Variants in TCF7L2 observed in about 807,000 individuals in gnomAD.
TCF7L2 encodes transcription factor 7-like 2.
A neutral mutation model predicts 77.9 loss-of-function variants in TCF7L2; 23 were observed. That is an observed-to-expected ratio of 0.30 (90% CI 0.21 to 0.42). The LOEUF is 0.42. Ranked by LOEUF, TCF7L2 falls within the 10% of genes least tolerant of loss-of-function variation. The probability of loss-of-function intolerance (pLI) is 1.00; values close to 1 mark genes in which losing one functional copy is unlikely to be tolerated. For missense variants in TCF7L2, 654 were observed against 793.1 expected (o/e 0.82, Z 2.11); for synonymous variants, 413 against 340.2 (o/e 1.21, Z -2.36).
chr10:113,025,947 C>T (rs1297705084), intron 4 of TCF7L2, among the ~76,000 whole-genome samples: 2 of 151,258 alleles, frequency 1.3e-5, no homozygotes, highest in Non-Finnish European at 2.9e-5. Flanking sequence ...GGTGCTATCT[C>T]GGCTCACTGC....
chr10:112,956,055 AAG>A (rs1186845104), intron 3 of TCF7L2, among the ~76,000 whole-genome samples: 5 of 152,058 alleles, frequency 3.3e-5, no homozygotes, highest in Non-Finnish European at 5.9e-5. Flanking sequence ...GAAGGTATCT[AAG>A]AGGATTTTAC....
At chr10:113,137,962 G>A (rs1385989541) in intron 5 of TCF7L2, among the ~76,000 whole-genome samples, 1 of 152,208 alleles carries the variant, frequency 6.6e-6, no homozygotes, top group Non-Finnish European at 1.5e-5. Flanking sequence ...AGGCCGGAGA[G>A]ACATAGGCAT....
chr10:113,107,749 G>A (rs1346925683), intron 5 of TCF7L2, among the ~76,000 whole-genome samples: 3 of 29,386 alleles, frequency 1.0e-4, no homozygotes, highest in Non-Finnish European at 1.6e-4. Flanking sequence ...GCGAGACTCC[G>A]TCTAAAAAAA....
At chr10:113,036,904 A>G (rs951880965) in intron 4 of TCF7L2, among the ~76,000 whole-genome samples, 2 of 151,906 alleles carry the variant, frequency 1.3e-5, no homozygotes, top group East Asian at 3.9e-4. Context: ...CCCCAAAAGG[A>G]TATAAAACTA....
chr10:113,070,384 T>G (rs1347441687), intron 5 of TCF7L2, among the ~76,000 whole-genome samples: 2 of 151,894 alleles, frequency 1.3e-5, no homozygotes, highest in African/African-American at 4.8e-5. Context: ...ATTTCCTCGC[T>G]TTCCCTGCAT....
intron 5 of TCF7L2, chr10:113,129,886 T>G (rs923143258): frequency 3.1e-6 from 4 of 1,290,556 alleles, no homozygotes; most frequent in Non-Finnish European, 4.0e-6. Context: ...GGACACAATT[T>G]TAGTGGGAAT....
chr10:112,994,712 G>A (rs2043159342), intron 4 of TCF7L2, among the ~76,000 whole-genome samples: 1 of 152,154 alleles, frequency 6.6e-6, no homozygotes, highest in Non-Finnish European at 1.5e-5. Flanking sequence ...TATTTAAAAA[G>A]TGGTTATAAA....
intron 4 of TCF7L2, among the ~76,000 whole-genome samples, chr10:112,970,193 C>T (rs1050660624): frequency 6.6e-6 from 1 of 151,622 alleles, no homozygotes; most frequent in Non-Finnish European, 1.5e-5. Context: ...TGTGCATGTG[C>T]GCGCTTGTGC....
chr10:113,151,078 T>G lies in TCF7L2; in HGVS notation c.956T>G (p.Val319Gly). 6.2e-7 allele frequency: 1 copy of G among 1,614,096 alleles called. No homozygotes were observed. The highest frequency in any genetic ancestry group is 8.5e-7 in the Non-Finnish European group (1 of 1,180,004). The change falls in exon 9 of 14, where the codon GTC (valine) becomes GGC (glycine). Residue 319 changes from valine (V) to glycine (G), a missense_variant. This residue lies in a region of TCF7L2 where 179 missense variants were observed against 270.6 expected (regional missense o/e 0.66). Transcript: ENST00000627217. The surrounding 1 kb of genome is among the most constrained non-coding windows in gnomAD (Gnocchi z 5.2). ...CATCCGGCCATAGTCACACCAACAG[T>G]CAAACAGGAATCGTCCCAGAGTGAT... is the stretch of plus-strand genomic sequence containing the variant.
At chr10:112,997,938 GTAT>G in intron 4 of TCF7L2, among the ~76,000 whole-genome samples, 1 of 152,076 alleles carries the variant, frequency 6.6e-6, no homozygotes, top group East Asian at 1.9e-4. Context: ...ATTTCTAAGT[GTAT>G]TACAACCCCG....
chr10:113,157,937 T>C (rs778395512), intron 11 of TCF7L2, 84 bp from the exon 12 acceptor site: 14 of 1,426,598 alleles, frequency 9.8e-6, no homozygotes, highest in Non-Finnish European at 1.3e-5. Flanking sequence ...CACTTCCTCC[T>C]GCCTTCTCCT....
chr10:112,974,210 A>G (rs1354534008), intron 4 of TCF7L2, among the ~76,000 whole-genome samples: 1 of 152,264 alleles, frequency 6.6e-6, no homozygotes, highest in East Asian at 1.9e-4. Flanking sequence ...TTTTAATTAT[A>G]TCATTGTATT....
chr10:113,162,453 C>T (rs1278468734), intron 13 of TCF7L2, among the ~76,000 whole-genome samples: 1 of 152,006 alleles, frequency 6.6e-6, no homozygotes, highest in East Asian at 1.9e-4. Context: ...TTAGCTTACA[C>T]CTTGCTTACA....
chr10:113,042,336 G>A (rs1295557088), intron 5 of TCF7L2, among the ~76,000 whole-genome samples: 2 of 152,186 alleles, frequency 1.3e-5, no homozygotes, highest in Non-Finnish European at 2.9e-5. Flanking sequence ...TTTGTCCAAA[G>A]CAGCCACAGC....
At chr10:112,978,913 TG>T (rs1173891131) in intron 4 of TCF7L2, among the ~76,000 whole-genome samples, 1 of 152,202 alleles carries the variant, frequency 6.6e-6, no homozygotes. Flanking sequence ...ACATGTGCCA[TG>T]TTGGTGTGCT....
chr10:113,044,519 C>T (rs1285003604), intron 5 of TCF7L2, among the ~76,000 whole-genome samples: 1 of 152,290 alleles, frequency 6.6e-6, no homozygotes, highest in East Asian at 1.9e-4. Context: ...GCCTGCTGAG[C>T]ACCAGCAAAG....
chr10:113,036,009 G>T (rs1226872648), intron 4 of TCF7L2, among the ~76,000 whole-genome samples: 1 of 152,170 alleles, frequency 6.6e-6, no homozygotes, highest in African/African-American at 2.4e-5. Flanking sequence ...CATCTGTGGA[G>T]CAGAGTCACT....
At chr10:113,020,358 C>G (rs2048083592) in intron 4 of TCF7L2, among the ~76,000 whole-genome samples, 1 of 152,112 alleles carries the variant, frequency 6.6e-6, no homozygotes, top group Non-Finnish European at 1.5e-5. Context: ...AGCCACCTCC[C>G]CCTCTCCTCA....
At chr10:113,036,115 CCATCATCATCATCATCATCATCAT>C (rs71869784) in intron 4 of TCF7L2, among the ~76,000 whole-genome samples, 19 of 146,590 alleles carry the variant, frequency 1.3e-4, no homozygotes, top group African/African-American at 4.0e-4. Flanking sequence ...ATCATCATCA[CCATCATCATCATCATCATCATCAT>C]CATCATCATC....
Sources: allele counts gnomAD v4.1 joint callset (sites outside exome capture counted in the v4.1 genomes callset), GRCh38; gene constraint gnomAD v4.1.1; regional missense constraint gnomAD v4.1.1; non-coding constraint Gnocchi (gnomAD v3.1); transcripts MANE v1.5; gene names NCBI Gene and HGNC (gene_info 2026-07-23, HGNC 2026-07-21).